Variants in FAM184A observed in about 807,000 individuals in gnomAD.
FAM184A encodes protein FAM184A.
A neutral mutation model predicts 143.8 loss-of-function variants in FAM184A; 99 were observed. That is an observed-to-expected ratio of 0.69 (90% CI 0.58 to 0.81). FAM184A has a LOEUF of 0.81. FAM184A is among the 40% of genes least tolerant of loss of function. The pLI is 0.00. For synonymous variants in FAM184A, 427 were observed against 446.4 expected, an observed-to-expected ratio of 0.96 and a Z score of 0.55; for missense variants, 1,217 against 1,310.5, an observed-to-expected ratio of 0.93 and a Z score of 1.10.
intron 9 of FAM184A, among the ~76,000 whole-genome samples, chr6:118,984,158 A>T (rs191692386): frequency 0.21 from 26,351 of 126,890 alleles, 2,975 homozygotes; most frequent in Non-Finnish European, 0.25. Context: ...TTAAAAAAAA[A>T]ATATATATAT....
At chr6:118,969,360 A>T (rs1054812299) in intron 14 of FAM184A, among the ~76,000 whole-genome samples, 3 of 152,238 alleles carry the variant, frequency 2.0e-5, no homozygotes, top group Non-Finnish European at 4.4e-5. Flanking sequence ...CCTGGATATT[A>T]AATAGGAAAA....
At chr6:119,005,521 C>G (rs9372521) in intron 7 of FAM184A, 1 of 152,142 alleles carries the variant, frequency 6.6e-6, no homozygotes, top group South Asian at 2.1e-4. Context: ...TGAGTGTTTA[C>G]TATTTTGCTA....
At chr6:119,132,212 A>C (rs1489302887) in intron 1 of FAM184A, among the ~76,000 whole-genome samples, 1 of 152,184 alleles carries the variant, frequency 6.6e-6, no homozygotes. Context: ...AATATTTATC[A>C]TTTCTCTCAT....
intron 1 of FAM184A, among the ~76,000 whole-genome samples, chr6:119,043,638 C>T (rs1222725556): frequency 1.3e-5 from 2 of 152,142 alleles, no homozygotes; most frequent in African/African-American, 2.4e-5. Flanking sequence ...TGCCCCACCT[C>T]GGCACCTTTA....
At chr6:119,126,753 T>C (rs1056253823) in intron 1 of FAM184A, among the ~76,000 whole-genome samples, 1 of 152,182 alleles carries the variant, frequency 6.6e-6, no homozygotes, top group African/African-American at 2.4e-5. Flanking sequence ...CCCCGAGCTC[T>C]TGTCTGGCAT....
At chr6:119,053,223 C>T (rs1185818831) in intron 1 of FAM184A, among the ~76,000 whole-genome samples, 2 of 152,140 alleles carry the variant, frequency 1.3e-5, no homozygotes, top group Non-Finnish European at 2.9e-5. Flanking sequence ...GTTGTTGAGT[C>T]TGTTAATGAG....
intron 1 of FAM184A, among the ~76,000 whole-genome samples, chr6:119,146,396 A>ATGTG (rs1562168812): frequency 3.0e-4 from 29 of 95,424 alleles, no homozygotes; most frequent in African/African-American, 1.1e-3. Context: ...CGATTAACTT[A>ATGTG]CGTGTGTGTG....
upstream of FAM184A, among the ~76,000 whole-genome samples, chr6:119,082,229 G>T (rs576679758): frequency 2.8e-3 from 431 of 152,254 alleles, no homozygotes; most frequent in Middle Eastern, 0.02. Context: ...CTCCCAGCAG[G>T]TCCCTCCCCT....
At chr6:119,014,050 C>T (rs1257058993) in intron 5 of FAM184A, among the ~76,000 whole-genome samples, 1 of 152,230 alleles carries the variant, frequency 6.6e-6, no homozygotes, top group Admixed American at 6.5e-5. Context: ...TTTGACAGAT[C>T]TGGAACCTGA....
At chr6:118,963,703 C>A (rs1016752657) in intron 16 of FAM184A, 5 of 151,904 alleles carry the variant, frequency 3.3e-5, no homozygotes, top group Admixed American at 2.6e-4. Context: ...TTGGAACTAT[C>A]ACTTTTATTT....
chr6:119,101,031 ATCCCCCATAATG>A (rs1788624456), intron 1 of FAM184A, among the ~76,000 whole-genome samples: 1 of 151,336 alleles, frequency 6.6e-6, no homozygotes, highest in Non-Finnish European at 1.5e-5. Context: ...GAAAATAGTA[ATCCCCCATAATG>A]TCTCACATTT....
intron 1 of FAM184A, among the ~76,000 whole-genome samples, chr6:119,060,089 G>C (rs571270497): frequency 2.4e-4 from 37 of 152,208 alleles, no homozygotes; most frequent in African/African-American, 8.9e-4. Context: ...TAGTCACTTC[G>C]AGATTAAAGT....
At chr6:118,974,890 T>C (rs927199507) in intron 13 of FAM184A, 134 bp downstream of exon 13, 3 of 644,760 alleles carry the variant, frequency 4.7e-6, no homozygotes, top group African/African-American at 3.7e-5. Context: ...AGTCATCAAA[T>C]AAAGTAAAAA....
At chr6:119,001,707 A>G (rs904564317) in intron 9 of FAM184A, among the ~76,000 whole-genome samples, 1 of 152,224 alleles carries the variant, frequency 6.6e-6, no homozygotes, top group Non-Finnish European at 1.5e-5. Flanking sequence ...CCCAGCCGAA[A>G]ACTGTCTATG....
intron 1 of FAM184A, among the ~76,000 whole-genome samples, chr6:119,147,427 A>C (rs759931914): frequency 1.3e-5 from 2 of 152,142 alleles, no homozygotes; most frequent in African/African-American, 4.8e-5. Flanking sequence ...TGCTGACATA[A>C]GATGAGGGCT....
intron 14 of FAM184A, among the ~76,000 whole-genome samples, chr6:118,969,182 C>T (rs1027070563): frequency 6.6e-6 from 1 of 152,140 alleles, no homozygotes; most frequent in Admixed American, 6.5e-5. Context: ...CTTCCCCTTC[C>T]GCCATGATTG....
chr6:118,973,369 C>T (rs1311814311), intron 14 of FAM184A, among the ~76,000 whole-genome samples: 4 of 152,044 alleles, frequency 2.6e-5, no homozygotes, highest in Non-Finnish European at 5.9e-5. Flanking sequence ...ATACTTAAAA[C>T]GGCAACAACA....
At chr6:119,124,366 T>A (rs971850191) in intron 1 of FAM184A, among the ~76,000 whole-genome samples, 7 of 152,226 alleles carry the variant, frequency 4.6e-5, no homozygotes, top group Non-Finnish European at 1.0e-4. Flanking sequence ...CAATGTTTTA[T>A]GTAAATTGTA....
At chr6:119,106,604 G>A (rs1490717815) in intron 1 of FAM184A, among the ~76,000 whole-genome samples, 1 of 152,192 alleles carries the variant, frequency 6.6e-6, no homozygotes, top group Non-Finnish European at 1.5e-5. Context: ...ATTATTCAGA[G>A]TAAACTCAGT....
Sources: gnomAD v4.1 joint callset for allele counts (sites outside exome capture counted in the v4.1 genomes callset) on GRCh38, gnomAD v4.1.1 for gene constraint, MANE v1.5 for transcripts, NCBI Gene and HGNC (gene_info 2026-07-23, HGNC 2026-07-21) for gene names.